Variants in ARF4 observed in about 807,000 individuals in gnomAD.
ARF4 encodes the protein ARF GTPase 4.
ARF4 carries 5 observed loss-of-function variants against 24.3 expected under a neutral mutation model. The observed-to-expected ratio is 0.21, with a 90% CI of 0.11 to 0.43. The LOEUF (loss-of-function observed/expected upper bound fraction) is 0.43. Among genes scored for constraint, ARF4 ranks in the 20% least tolerant of loss-of-function variants. The pLI, the probability that ARF4 is intolerant of heterozygous loss-of-function variation, is 1.00. For missense variants in ARF4, 107 were observed against 213.0 expected (o/e 0.50, Z 3.10); for synonymous variants, 62 against 73.5 (o/e 0.84, Z 0.80).
chr3:57,577,952 G>C (rs1336935425), intron 3 of ARF4, among the ~76,000 whole-genome samples: 1 of 152,092 alleles, frequency 6.6e-6, no homozygotes, highest in Non-Finnish European at 1.5e-5. Context: ...CTACTTGGGA[G>C]ATGAGGTGGG....
At chr3:57,594,003 C>G (rs1365726862) in intron 1 of ARF4, among the ~76,000 whole-genome samples, 1 of 152,064 alleles carries the variant, frequency 6.6e-6, no homozygotes, top group Non-Finnish European at 1.5e-5. Context: ...TGCTTGTAAT[C>G]CTAGCACTTT....
At chr3:57,582,295 T>A (rs1340666541) in intron 3 of ARF4, among the ~76,000 whole-genome samples, 1 of 151,760 alleles carries the variant, frequency 6.6e-6, no homozygotes, top group Non-Finnish European at 1.5e-5. Flanking sequence ...CATGCTGGAG[T>A]GCAATGGTGT....
chr3:57,586,247 TG>T (rs528326162), intron 1 of ARF4, among the ~76,000 whole-genome samples: 158 of 152,236 alleles, frequency 1.0e-3, no homozygotes, highest in African/African-American at 3.8e-3. Flanking sequence ...CACAGATTTT[TG>T]TATCGATTCA....
intron 1 of ARF4, among the ~76,000 whole-genome samples, chr3:57,593,211 AAAAAAT>A (rs1179999776): frequency 6.6e-6 from 1 of 152,162 alleles, no homozygotes; most frequent in Admixed American, 6.6e-5. Context: ...ACCCTGTCTC[AAAAAAT>A]AAAAATAAAA....
intron 1 of ARF4, among the ~76,000 whole-genome samples, chr3:57,587,383 T>C (rs2153409145): frequency 7.3e-6 from 1 of 136,358 alleles, no homozygotes; most frequent in South Asian, 2.3e-4. Context: ...ATTGAAGAAA[T>C]CCAAGACAAA....
intron 1 of ARF4, among the ~76,000 whole-genome samples, chr3:57,591,377 G>T (rs957126569): frequency 1.3e-5 from 2 of 151,356 alleles, no homozygotes; most frequent in Non-Finnish European, 2.9e-5. Context: ...AAGAAATGAG[G>T]TGCTTATGTG....
In ARF4 at chr3:57,571,928, A is replaced by G. The variant is rs1388930392; in HGVS notation, c.*284T>C. On this transcript the variant is annotated 3_prime_UTR_variant, in exon 6 of 6. Transcript: ENST00000303436. The stretch of plus-strand genomic sequence containing the variant: ...TGGGGCTCAAAAAACACTCAAAACA[A>G]TTTATTTAAAGGTTGCACAAGAGCT... The G allele has an allele frequency of 7.0e-6, 2 of 287,714 alleles. No homozygotes were observed. The highest frequency in any genetic ancestry group is 4.4e-5 in the African/African-American group (2 of 45,962). The allele number at this position is 287,714 out of a possible 1,614,324, so 17.8% of individuals were successfully genotyped here.
chr3:57,578,011 A>G (rs2069927575), intron 3 of ARF4, among the ~76,000 whole-genome samples: 1 of 152,140 alleles, frequency 6.6e-6, no homozygotes. Flanking sequence ...AAATCGCACC[A>G]CTGCACTGCA....
chr3:57,574,813 G>T (rs948528094), intron 5 of ARF4, among the ~76,000 whole-genome samples: 21 of 151,982 alleles, frequency 1.4e-4, no homozygotes, highest in Non-Finnish European at 2.1e-4. Context: ...GAGTCCAGGA[G>T]TTCAAGACCA....
intron 3 of ARF4, among the ~76,000 whole-genome samples, chr3:57,581,459 A>C (rs914770325): frequency 2.0e-5 from 3 of 152,184 alleles, no homozygotes; most frequent in Non-Finnish European, 4.4e-5. Context: ...TTGGTCAAGA[A>C]TTATTAGGCT....
intron 3 of ARF4, among the ~76,000 whole-genome samples, chr3:57,582,646 G>C (rs2069988870): frequency 6.6e-6 from 1 of 152,116 alleles, no homozygotes. Flanking sequence ...ACTGCCACCT[G>C]ATGGCAATAA....
intron 5 of ARF4, 103 bp downstream of exon 5, chr3:57,575,445 T>C (rs1187078101): frequency 8.7e-7 from 1 of 1,155,768 alleles, no homozygotes; most frequent in Non-Finnish European, 1.2e-6. Flanking sequence ...GCTCATTATT[T>C]GTCCAAAGGA....
At chr3:57,580,861 C>T (rs775129584) in intron 3 of ARF4, among the ~76,000 whole-genome samples, 1 of 151,928 alleles carries the variant, frequency 6.6e-6, no homozygotes, top group African/African-American at 2.4e-5. Flanking sequence ...GATCCTCCCA[C>T]CTCAGCCTCC....
At chr3:57,590,128 T>TAAAA (rs2070092630) in intron 1 of ARF4, among the ~76,000 whole-genome samples, 2 of 144,414 alleles carry the variant, frequency 1.4e-5, no homozygotes, top group East Asian at 2.1e-4. Context: ...AATAAATAAA[T>TAAAA]AAATAAAACA....
At chr3:57,572,345 T>C (rs1444820921) in intron 5 of ARF4, 47 bp from the exon 6 acceptor site, 13 of 1,360,290 alleles carry the variant, frequency 9.6e-6, no homozygotes, top group Non-Finnish European at 1.4e-5. Flanking sequence ...AGTTAATATA[T>C]AACACCAGTG....
chr3:57,575,406 T>A, intron 5 of ARF4, 142 bp downstream of exon 5: 1 of 840,552 alleles, frequency 1.2e-6, no homozygotes. Flanking sequence ...TATTTAAAGT[T>A]TATTACCATA....
chr3:57,591,144 A>C (rs939457739), intron 1 of ARF4, among the ~76,000 whole-genome samples: 1 of 152,192 alleles, frequency 6.6e-6, no homozygotes, highest in Non-Finnish European at 1.5e-5. Flanking sequence ...CGAGGATGTA[A>C]AATGGAAATG....
intron 1 of ARF4, among the ~76,000 whole-genome samples, chr3:57,586,789 C>G (rs1020368752): frequency 1.3e-5 from 2 of 151,912 alleles, no homozygotes; most frequent in Non-Finnish European, 2.9e-5. Context: ...AGATATAAAA[C>G]AAAGGGGGGT....
At chr3:57,590,123 AT>A (rs2070092271) in intron 1 of ARF4, among the ~76,000 whole-genome samples, 8 of 147,656 alleles carry the variant, frequency 5.4e-5, no homozygotes, top group Admixed American at 5.4e-4. Context: ...AAATAAATAA[AT>A]AAATAAATAA....
Sources: gnomAD v4.1 joint callset for allele counts (sites outside exome capture counted in the v4.1 genomes callset) on GRCh38, gnomAD v4.1.1 for gene constraint, MANE v1.5 for transcripts, NCBI Gene and HGNC (gene_info 2026-07-23, HGNC 2026-07-21) for gene names.